STAB2: variants seen among roughly 807,000 people sequenced by gnomAD.
STAB2 encodes the protein stabilin-2.
Under a neutral mutation model 338.1 loss-of-function variants are expected in STAB2, and 288 were observed. The ratio of observed to expected loss-of-function variants is 0.85; its 90% confidence interval spans 0.77 to 0.94. The LOEUF is 0.94. Ranked by LOEUF, STAB2 falls within the 40% of genes least tolerant of loss-of-function variation. STAB2 has a pLI of 0.00. For synonymous variants in STAB2, 1,202 were observed against 1,193.3 expected (o/e 1.01, Z -0.15); for missense variants, 3,141 against 3,210.1 (o/e 0.98, Z 0.52).
intron 2 of STAB2, 129 bp downstream of exon 2, chr12:103,591,159 C>A: frequency 4.8e-6 from 6 of 1,244,404 alleles, no homozygotes; most frequent in Non-Finnish European, 4.5e-6. Flanking sequence ...AGGTAACTCA[C>A]AATTTATGAA....
Position 103,705,742 on chromosome 12 carries a change from T to C in STAB2, c.3996+15T>C. 1 of 1,610,538 alleles carries C rather than the reference T, an allele frequency of 6.2e-7. No individual in the cohort carries two copies. The highest frequency in any genetic ancestry group is 8.5e-7 in the Non-Finnish European group (1 of 1,176,694). ...GAACCGTCATTGTGAGTACAATAATTGAATCATACTAACTACTGCAGCACC... is the reference window on the plus strand; with the variant it reads ...GAACCGTCATTGTGAGTACAATAATCGAATCATACTAACTACTGCAGCACC... On this transcript the variant is annotated intron_variant, in intron 37 of 68. Coordinates refer to ENST00000388887, the MANE Select transcript of STAB2 (RefSeq NM_017564.10).
At chr12:103,615,578 T>C (rs537548117) in intron 3 of STAB2, among the ~76,000 whole-genome samples, 1 of 152,304 alleles carries the variant, frequency 6.6e-6, no homozygotes, top group East Asian at 1.9e-4. Context: ...GCTTCTGAAG[T>C]TGGAGATCTA....
intron 28 of STAB2, 90 bp downstream of exon 28, chr12:103,688,305 T>A (rs1224418017): frequency 5.6e-6 from 7 of 1,258,324 alleles, no homozygotes; most frequent in Non-Finnish European, 8.1e-6. Flanking sequence ...ATGCAGCTGG[T>A]AAGGAGTGTA....
intron 5 of STAB2, among the ~76,000 whole-genome samples, chr12:103,628,801 A>G (rs994772733): frequency 6.6e-6 from 1 of 152,212 alleles, no homozygotes; most frequent in Non-Finnish European, 1.5e-5. Flanking sequence ...CAATAGGGGC[A>G]TTCTGAAGTA....
In STAB2 at chr12:103,717,655, G is replaced by A. The variant is rs1189313999; in HGVS notation, c.4612-115G>A. The stretch of plus-strand genomic sequence containing the variant: ...AAATAGATATTACCAACGTCAAATA[G>A]AGACTCTCCTAACATTACCATGACC... On this transcript the variant is annotated intron_variant, in intron 43 of 68. Coordinates refer to ENST00000388887, the MANE Select transcript of STAB2 (RefSeq NM_017564.10). The A allele has an allele frequency of 8.9e-6, 7 of 790,868 alleles. No homozygotes were observed. The East Asian group carries it at 1.5e-4, about 17-fold the overall frequency. The allele number at this position is 790,868 out of a possible 1,614,324, so 49.0% of individuals were successfully genotyped here. A position where few individuals can be genotyped will look rare whatever the true frequency, so the allele number is the denominator to read the frequency against.
At chr12:103,640,515 C>T (rs1389054420) in intron 9 of STAB2, among the ~76,000 whole-genome samples, 2 of 152,078 alleles carry the variant, frequency 1.3e-5, no homozygotes, top group Admixed American at 6.5e-5. Flanking sequence ...ATGAAGTGGT[C>T]AGAATGTGGG....
intron 8 of STAB2, 152 bp from the exon 9 acceptor site, chr12:103,639,971 T>C (rs2138693088): frequency 1.2e-6 from 1 of 848,418 alleles, no homozygotes; most frequent in Non-Finnish European, 1.7e-6. Flanking sequence ...TTTCTACTTT[T>C]AGATACTTTG....
rs201227143 is a variant in STAB2 at position 103,699,104 on chromosome 12, C to A, written c.3591C>A (p.Asp1197Glu). 1.7e-5 allele frequency: 27 copies of A among 1,607,996 alleles called. No individual in the cohort carries two copies. Among genetic ancestry groups the A allele is most frequent in the Non-Finnish European group, 2.3e-5 (27 of 1,175,850 alleles). ...TTCTGTGTGTGATCCAGGAGGAGGACGTCCTCCGGTATCATGTGGTCCTGG... is the reference window on the plus strand; with the variant it reads ...TTCTGTGTGTGATCCAGGAGGAGGAAGTCCTCCGGTATCATGTGGTCCTGG... ...REKKVLSLEE[D>E]VLRYHVVLEE... The change falls in exon 34 of 69, where the codon GAC becomes GAA. Residue 1197 changes from aspartate to glutamate, a missense_variant. Physicochemically the swap from Asp to Glu is conservative, Grantham distance 45. Coordinates refer to ENST00000388887, the MANE Select transcript of STAB2 (RefSeq NM_017564.10).
chr12:103,688,687 A>G (rs754103283), intron 28 of STAB2, among the ~76,000 whole-genome samples: 26 of 152,232 alleles, frequency 1.7e-4, no homozygotes, highest in Non-Finnish European at 3.2e-4. Context: ...ATGCCTGGTC[A>G]GCACCCACCC....
Position 103,717,778 on chromosome 12 carries a change from T to C in STAB2, c.4620T>C (p.Cys1540=), listed in dbSNP as rs1593277850. 6.2e-7 allele frequency: 1 copy of C among 1,614,148 alleles called. No homozygotes were observed. The highest frequency in any genetic ancestry group is 8.5e-7 in the Non-Finnish European group (1 of 1,180,012). The part of the protein sequence containing the change: ...CTQTGPNQAA[C]NCLPAYTGDG... ...CTTCTACTCCTGGACAGGCTGCCTG[T>C]AACTGTTTGCCAGCATACACTGGAG... The change falls in exon 44 of 69, where the codon TGT becomes TGC. Residue 1540 remains cysteine, a synonymous_variant. Coordinates refer to ENST00000388887, the MANE Select transcript of STAB2 (RefSeq NM_017564.10).
At chr12:103,628,642 A>G (rs564920928) in intron 5 of STAB2, among the ~76,000 whole-genome samples, 1 of 152,142 alleles carries the variant, frequency 6.6e-6, no homozygotes, top group Non-Finnish European at 1.5e-5. Flanking sequence ...TATCACTCCA[A>G]TCTCGGCCTC....
intron 68 of STAB2, 111 bp downstream of exon 68, chr12:103,763,719 T>C: frequency 3.8e-6 from 4 of 1,060,740 alleles, no homozygotes; most frequent in Non-Finnish European, 4.2e-6. Flanking sequence ...ATTTCTAGAA[T>C]GTATGTCAGG....
intron 35 of STAB2, among the ~76,000 whole-genome samples, chr12:103,704,103 G>T (rs1331774717): frequency 7.2e-5 from 11 of 152,204 alleles, no homozygotes; most frequent in African/African-American, 2.4e-4. Context: ...TTTAGGGACA[G>T]GTTGAGCTTG....
intron 2 of STAB2, among the ~76,000 whole-genome samples, 186 bp downstream of exon 2, chr12:103,591,216 G>T (rs947282193): frequency 2.5e-4 from 38 of 152,128 alleles, no homozygotes; most frequent in Non-Finnish European, 4.9e-4. Context: ...CAGGTGTGGT[G>T]GTTCATGCCT....
At chr12:103,697,712 G>T (rs1325304020) in intron 33 of STAB2, among the ~76,000 whole-genome samples, 1 of 152,220 alleles carries the variant, frequency 6.6e-6, no homozygotes, top group Non-Finnish European at 1.5e-5. Flanking sequence ...TTGATAGAAT[G>T]AATTGTTTAT....
intron 36 of STAB2, 41 bp from the exon 37 acceptor site, chr12:103,705,591 T>C: frequency 6.3e-7 from 1 of 1,597,908 alleles, no homozygotes. Flanking sequence ...GGAAAACTTT[T>C]TCCTAACTTA....
chr12:103,741,984 T>C (rs1013876870), intron 55 of STAB2, among the ~76,000 whole-genome samples: 3 of 152,254 alleles, frequency 2.0e-5, no homozygotes, highest in Non-Finnish European at 2.9e-5. Flanking sequence ...TTCTAATATT[T>C]GTTCAGTGCT....
intron 51 of STAB2, among the ~76,000 whole-genome samples, chr12:103,733,799 A>G (rs1881842122): frequency 6.6e-6 from 1 of 152,112 alleles, no homozygotes. Context: ...ATATAGGAGC[A>G]AGCATCATCA....
At chr12:103,712,891 T>C (rs192077849) in intron 41 of STAB2, among the ~76,000 whole-genome samples, 153 of 152,324 alleles carry the variant, frequency 1.0e-3, no homozygotes, top group African/African-American at 3.4e-3. Flanking sequence ...TTCCTCCAAC[T>C]ACCCAGGTGG....
Sources: gnomAD v4.1 joint callset for allele counts (sites outside exome capture counted in the v4.1 genomes callset) on GRCh38, gnomAD v4.1.1 for gene constraint, MANE v1.5 for transcripts, NCBI Gene and HGNC (gene_info 2026-07-23, HGNC 2026-07-21) for gene names.